ANK3: variants seen among roughly 807,000 people sequenced by gnomAD.
ANK3 encodes the protein ankyrin-3.
A neutral mutation model predicts 370.9 loss-of-function variants in ANK3; 57 were observed. The observed-to-expected ratio is 0.15, with a 90% CI of 0.12 to 0.19. The LOEUF is 0.19. Ranked by LOEUF, ANK3 falls within the 10% of genes least tolerant of loss-of-function variation. The pLI, the probability that ANK3 is intolerant of heterozygous loss-of-function variation, is 1.00. For missense variants in ANK3, 4,439 were observed against 5,302.1 expected, an observed-to-expected ratio of 0.84 and a Z score of 5.06; for synonymous variants, 1,929 against 1,946.3, an observed-to-expected ratio of 0.99 and a Z score of 0.23.
chr10:60,541,586 A>G (rs1007890274), intron 2 of ANK3, among the ~76,000 whole-genome samples: 2 of 151,848 alleles, frequency 1.3e-5, no homozygotes, highest in Admixed American at 6.6e-5. Context: ...ACTAAAAATA[A>G]CCCCCATACC....
At chr10:60,371,238 G>A (rs1010780718) in intron 1 of ANK3, among the ~76,000 whole-genome samples, 3 of 152,100 alleles carry the variant, frequency 2.0e-5, no homozygotes, top group East Asian at 1.9e-4. Flanking sequence ...GAAGACATAC[G>A]AGTGGCCAAC....
At chr10:60,346,150 AC>A (rs996836018) in intron 1 of ANK3, among the ~76,000 whole-genome samples, 11 of 152,102 alleles carry the variant, frequency 7.2e-5, no homozygotes, top group Admixed American at 7.2e-4. Flanking sequence ...ACAAAATAAA[AC>A]CAGAAAACAA....
intron 2 of ANK3, among the ~76,000 whole-genome samples, chr10:60,444,558 CT>C (rs1274537728): frequency 6.6e-6 from 1 of 151,810 alleles, no homozygotes; most frequent in African/African-American, 2.4e-5. Context: ...ACTTTTCTGC[CT>C]TTTAATTTCT....
intron 2 of ANK3, among the ~76,000 whole-genome samples, chr10:60,404,125 C>T (rs1198869778): frequency 6.6e-6 from 1 of 152,056 alleles, no homozygotes. Flanking sequence ...AAATCTACTA[C>T]ACTCAAGGAT....
chr10:60,687,531 A>ACACACACACACACAC (rs111633246), intron 1 of ANK3, among the ~76,000 whole-genome samples: 20 of 121,006 alleles, frequency 1.7e-4, no homozygotes, highest in African/African-American at 7.2e-4. Context: ...CTGGTATAAA[A>ACACACACACACACAC]AAAAACACAC....
intron 2 of ANK3, among the ~76,000 whole-genome samples, chr10:60,400,311 A>G (rs2063328660): frequency 6.6e-6 from 1 of 152,204 alleles, no homozygotes; most frequent in African/African-American, 2.4e-5. Context: ...TTCAGATCCT[A>G]TGAATAGGAG....
intron 2 of ANK3, among the ~76,000 whole-genome samples, chr10:60,511,936 G>A (rs1266840191): frequency 6.6e-6 from 1 of 152,032 alleles, no homozygotes; most frequent in Non-Finnish European, 1.5e-5. Context: ...TAAACATTGA[G>A]TCAAGATTGA....
At chr10:60,587,021 T>C (rs1021531879) in intron 2 of ANK3, among the ~76,000 whole-genome samples, 2 of 152,286 alleles carry the variant, frequency 1.3e-5, no homozygotes, top group East Asian at 1.9e-4. Flanking sequence ...GGAAAGATGC[T>C]TAATTGACTC....
chr10:60,034,709 G>A (rs2074518871), intron 43 of ANK3, among the ~76,000 whole-genome samples: 1 of 152,060 alleles, frequency 6.6e-6, no homozygotes, highest in African/African-American at 2.4e-5. Flanking sequence ...GCTGTGTCAT[G>A]GCTTAAGGAA....
intron 43 of ANK3, among the ~76,000 whole-genome samples, chr10:60,040,361 C>T (rs903768839): frequency 2.0e-5 from 3 of 151,780 alleles, no homozygotes; most frequent in East Asian, 1.9e-4. Context: ...TTGATTTTTC[C>T]GGAGCACATA....
chr10:60,069,131 T>TG lies in ANK3; in HGVS notation c.11749_11750insC (p.Asn3917ThrfsTer6). On this transcript the variant is annotated frameshift_variant, in exon 37 of 44. Coordinates refer to ENST00000280772, the MANE Select transcript of ANK3 (RefSeq NM_020987.5). LOFTEE classifies it high-confidence loss of function. ...TGCAATTATGTTATCCCTGTGTGTG[T>TG]TTTTCACTGGAATTCTGGACTTTAC... 2 of 1,614,170 alleles carry TG rather than the reference T, an allele frequency of 1.2e-6. No homozygotes were observed. Among genetic ancestry groups the TG allele is most frequent in the Non-Finnish European group, 1.7e-6 (2 of 1,180,034 alleles).
intron 1 of ANK3, among the ~76,000 whole-genome samples, chr10:60,360,158 C>T (rs80224709): frequency 0.037 from 5,621 of 152,248 alleles, 345 homozygotes; most frequent in African/African-American, 0.13. Context: ...TGTGTACATG[C>T]GTGCCTATAT....
chr10:60,723,949 G>A (rs867278335), intron 1 of ANK3, among the ~76,000 whole-genome samples: 2 of 151,654 alleles, frequency 1.3e-5, no homozygotes, highest in African/African-American at 4.8e-5. Flanking sequence ...GGTGGCTCAC[G>A]CCTGTAATCC....
intron 2 of ANK3, among the ~76,000 whole-genome samples, chr10:60,521,957 G>T (rs2076357700): frequency 6.6e-6 from 1 of 152,204 alleles, no homozygotes; most frequent in South Asian, 2.1e-4. Flanking sequence ...AGCATGGAGG[G>T]ATGGAGGGGA....
At chr10:60,468,616 A>G (rs899480482) in intron 2 of ANK3, among the ~76,000 whole-genome samples, 6 of 152,050 alleles carry the variant, frequency 3.9e-5, no homozygotes, top group African/African-American at 1.4e-4. Flanking sequence ...ATACACAAGG[A>G]TATTCTAGCC....
rs187740970 is a variant in ANK3 at position 60,559,323 on chromosome 10, T to C, written c.96+55863A>G. 3.3e-3 allele frequency among the ~76,000 whole-genome samples: 502 copies of C among 152,274 alleles called. 5 individuals carry two copies. The highest frequency in any genetic ancestry group is 0.011 in the African/African-American group (461 of 41,568). The stretch of plus-strand genomic sequence containing the variant: ...TGTATCATTCTTAAGCCTTTGCATC[T>C]TCATAGCTTAACTTCCACTTATGAG... On this transcript the variant is annotated intron_variant, in intron 2 of 43. Coordinates refer to the ANK3 transcript ENST00000373827.
intron 8 of ANK3, among the ~76,000 whole-genome samples, chr10:60,219,608 A>C (rs1383676751): frequency 6.6e-6 from 1 of 152,150 alleles, no homozygotes; most frequent in African/African-American, 2.4e-5. Flanking sequence ...AGAGTTATTC[A>C]CTTAAAACTA....
chr10:60,339,007 G>C (rs2053657684), intron 1 of ANK3, among the ~76,000 whole-genome samples: 1 of 135,256 alleles, frequency 7.4e-6, no homozygotes, highest in African/African-American at 2.5e-5. Flanking sequence ...GGTTTCCAAA[G>C]ACAATTAGCA....
rs1028781159 is a variant in ANK3, at chr10:60,415,925, C to T, written c.97-136286G>A. Among the ~76,000 whole-genome samples, 6 of 122,668 alleles carry T rather than the reference C, an allele frequency of 4.9e-5. 1 individual carries two copies. The highest frequency in any genetic ancestry group is 1.8e-4 in the African/African-American group (6 of 32,666). The allele number at this position is 122,668 out of a possible 152,430, so 80.5% of individuals were successfully genotyped here. On this transcript the variant is annotated intron_variant, in intron 2 of 43. Coordinates refer to the ANK3 transcript ENST00000373827. ...TATGGTCTGAATTTGTGCCCCCCAC[C>T]CCCCCGCCATTCATGTGTTGACATT...
Sources: allele counts gnomAD v4.1 joint callset (sites outside exome capture counted in the v4.1 genomes callset), GRCh38; gene constraint gnomAD v4.1.1; transcripts MANE v1.5; gene names NCBI Gene and HGNC (gene_info 2026-07-23, HGNC 2026-07-21).